Variants in MTURN observed in about 807,000 individuals in gnomAD.
MTURN encodes maturin, neural progenitor differentiation regulator homolog, also known as maturin.
In MTURN, 7 loss-of-function variants were observed where a neutral mutation model predicts 14.9. The observed-to-expected ratio is 0.47, with a 90% CI of 0.27 to 0.88. The LOEUF is 0.88. Ranked by LOEUF, MTURN falls within the 40% of genes least tolerant of loss-of-function variation. MTURN has a pLI of 0.14. For missense variants in MTURN, 151 were observed against 174.1 expected (o/e 0.87, Z 0.75); for synonymous variants, 69 against 72.5 (o/e 0.95, Z 0.25).
At chr7:30,152,276 CCTT>C (rs972173651) in intron 2 of MTURN, among the ~76,000 whole-genome samples, 1 of 151,932 alleles carries the variant, frequency 6.6e-6, no homozygotes, top group African/African-American at 2.4e-5. Flanking sequence ...ATCTTGCCAC[CCTT>C]TTTTCCTTAG....
chr7:30,135,267 T>G lies in MTURN; in HGVS notation c.131T>G (p.Leu44Arg). ...GACCCCGGCGTCTCCTTCTATGTGC[T>G]GTGTCCGGACAACGGCTGCGGCGAC... Reference protein sequence around the residue: ...YADPGVSFYVLCPDNGCGDNF... With the variant: ...YADPGVSFYVRCPDNGCGDNF... The change falls in exon 1 of 3, where the codon CTG becomes CGG. Residue 44 changes from leucine to arginine, a missense_variant. By Grantham distance (102) the Leu-to-Arg change is moderately radical. Transcript: ENST00000324453. The G allele has an allele frequency of 6.5e-7, 1 of 1,528,022 alleles. No homozygotes were observed. The highest frequency in any genetic ancestry group is 8.8e-7 in the Non-Finnish European group (1 of 1,136,954). 94.7% of individuals were successfully genotyped at this position (1,528,022 alleles called of 1,614,324 possible). A position where few individuals can be genotyped will look rare whatever the true frequency, so the allele number is the denominator to read the frequency against.
Position 30,152,304 on chromosome 7 carries a change from AC to A in MTURN, c.286-5133del, listed in dbSNP as rs1402790287. On this transcript the variant is annotated intron_variant, in intron 2 of 2. Transcript: ENST00000324453. ...TTTTTCCTTAGGGTCAAGAAGACTG[AC>A]TGACAGACCAGGACCCCACCAGGGG... 7.2e-5 allele frequency among the ~76,000 whole-genome samples: 11 copies of A among 152,140 alleles called. No homozygotes were observed. The East Asian group carries it at 1.5e-3, about 21-fold the overall frequency.
In MTURN at chr7:30,159,608, A is replaced by C. The variant is rs1240125913; in HGVS notation, c.*2060A>C. ...CTCTGTTTATAAAAATTGAGTGGAG[A>C]TAGATAGACTCGGCCATTCTGTGGG... On this transcript the variant is annotated 3_prime_UTR_variant, in exon 3 of 3. Transcript: ENST00000324453. 1 of 152,626 alleles carries C rather than the reference A, an allele frequency of 6.6e-6. No homozygotes were observed. The highest frequency in any genetic ancestry group is 1.5e-5 in the Non-Finnish European group (1 of 68,030). The allele number at this position is 152,626 out of a possible 1,614,324, so 9.5% of individuals were successfully genotyped here.
chr7:30,145,380 C>T (rs139456421), intron 1 of MTURN, among the ~76,000 whole-genome samples: 70 of 152,112 alleles, frequency 4.6e-4, no homozygotes, highest in Non-Finnish European at 8.8e-4. Context: ...TGTAGTTCCA[C>T]CTACTTGGGT....
chr7:30,142,480 T>A (rs1797066163), intron 1 of MTURN, among the ~76,000 whole-genome samples: 2 of 152,236 alleles, frequency 1.3e-5, no homozygotes. Context: ...AAAGTTCTGC[T>A]GTGCCCATGG....
intron 1 of MTURN, among the ~76,000 whole-genome samples, chr7:30,142,905 G>C (rs1005746807): frequency 6.6e-6 from 1 of 152,194 alleles, no homozygotes; most frequent in Admixed American, 6.5e-5. Context: ...TCCTGCTGTA[G>C]TTTTTTTCCT....
rs1271020619 is a variant in MTURN at position 30,161,014 on chromosome 7, TG to T, written c.*3467del. The T allele has an allele frequency of 6.5e-6, 1 of 152,692 alleles. No individual in the cohort carries two copies. The highest frequency in any genetic ancestry group is 1.5e-5 in the Non-Finnish European group (1 of 68,048). 9.5% of individuals were successfully genotyped at this position (152,692 alleles called of 1,614,324 possible). A position where few individuals can be genotyped will look rare whatever the true frequency, so the allele number is the denominator to read the frequency against. On this transcript the variant is annotated 3_prime_UTR_variant, in exon 3 of 3. Coordinates refer to ENST00000324453, the MANE Select transcript of MTURN (RefSeq NM_152793.3). ...CCTTTATAGTTGCTGTCATCTTTCA[TG>T]TATAAACAGAAACCGTCTCTAGCAC...
chr7:30,137,278 C>G (rs1302668800), intron 1 of MTURN: 1 of 206,638 alleles, frequency 4.8e-6, no homozygotes, highest in Non-Finnish European at 1.0e-5. Context: ...GCTCATGGTT[C>G]TGGATTTCAC....
chr7:30,137,873 A>ATCAT (rs967572430), intron 1 of MTURN, among the ~76,000 whole-genome samples: 3 of 151,946 alleles, frequency 2.0e-5, no homozygotes, highest in Non-Finnish European at 4.4e-5. Context: ...GTATTTCCAC[A>ATCAT]TCATTCATTC....
chr7:30,145,854 C>T, intron 1 of MTURN: 2 of 1,549,034 alleles, frequency 1.3e-6, no homozygotes, highest in South Asian at 1.2e-5. Context: ...TGAAAACCGC[C>T]CTTAGCCTGC....
chr7:30,161,441 A>G lies in MTURN; in HGVS notation c.*3893A>G, dbSNP rs1184860195. 6.6e-6 allele frequency: 1 copy of G among 152,262 alleles called. No individual in the cohort carries two copies. Among genetic ancestry groups the G allele is most frequent in the East Asian group, 1.9e-4 (1 of 5,194 alleles). The allele number at this position is 152,262 out of a possible 1,614,324, so 9.4% of individuals were successfully genotyped here. ...AAGTGCCCCCCAGCCAAGGAGACCA[A>G]CAGGAACCCTGCTCATCTGGTAGGG... On this transcript the variant is annotated 3_prime_UTR_variant, in exon 3 of 3. Transcript: ENST00000324453.
rs111686401 is a variant in MTURN at position 30,136,880 on chromosome 7, A to G, written c.162+1582A>G. Among the ~76,000 whole-genome samples, 181 of 152,224 alleles carry G rather than the reference A, an allele frequency of 1.2e-3. 2 individuals are homozygous for G. Among genetic ancestry groups the G allele is most frequent in the African/African-American group, 4.0e-3 (167 of 41,530 alleles). On this transcript the variant is annotated intron_variant, in intron 1 of 2. Transcript: ENST00000324453. ...CCTAACACACAGCAAGAGCCCCACAAATTTGGGGTTAGAGACCTGGGGTTT... is the reference window on the plus strand; with the variant it reads ...CCTAACACACAGCAAGAGCCCCACAGATTTGGGGTTAGAGACCTGGGGTTT...
intron 1 of MTURN, among the ~76,000 whole-genome samples, chr7:30,142,549 A>G (rs1797067060): frequency 6.6e-6 from 1 of 152,214 alleles, no homozygotes; most frequent in Non-Finnish European, 1.5e-5. Flanking sequence ...TTTGTTGGAA[A>G]TACATATTCT....
chr7:30,155,314 C>T (rs895806194), intron 2 of MTURN, among the ~76,000 whole-genome samples: 4 of 151,926 alleles, frequency 2.6e-5, no homozygotes, highest in African/African-American at 4.8e-5. Context: ...CTGGTGGTGG[C>T]GATAGTATTT....
rs1019062939 is a variant in MTURN, at chr7:30,158,521, C to CA, written c.*980dup. 2.0e-5 allele frequency: 3 copies of CA among 148,864 alleles called. No individual in the cohort carries two copies. Among genetic ancestry groups the CA allele is most frequent in the African/African-American group, 7.5e-5 (3 of 40,240 alleles). 9.2% of individuals were successfully genotyped at this position (148,864 alleles called of 1,614,324 possible). ...AGTCTTTTATTTAAAAAAAAAAAGT[C>CA]AAAAAAAGGATTCCATTGTGTAATT... On this transcript the variant is annotated 3_prime_UTR_variant, in exon 3 of 3. Coordinates refer to ENST00000324453, the MANE Select transcript of MTURN (RefSeq NM_152793.3).
chr7:30,159,965 C>T lies in MTURN; in HGVS notation c.*2417C>T, dbSNP rs1215076222. 1 of 152,374 alleles carries T rather than the reference C, an allele frequency of 6.6e-6. No individual in the cohort carries two copies. The highest frequency in any genetic ancestry group is 6.5e-5 in the Admixed American group (1 of 15,286). The allele number at this position is 152,374 out of a possible 1,614,324, so 9.4% of individuals were successfully genotyped here. The stretch of plus-strand genomic sequence containing the variant: ...CCCTTCACAGACTTACACATTTACT[C>T]ACCAGGAGGTGGCAGCGGTGTGGGA... On this transcript the variant is annotated 3_prime_UTR_variant, in exon 3 of 3. Coordinates refer to ENST00000324453, the MANE Select transcript of MTURN (RefSeq NM_152793.3).
intron 2 of MTURN, among the ~76,000 whole-genome samples, chr7:30,155,865 G>A (rs1797279224): frequency 6.6e-6 from 1 of 152,336 alleles, no homozygotes; most frequent in South Asian, 2.1e-4. Flanking sequence ...CGTGGAGGGA[G>A]TGAGAGAGGA....
At chr7:30,143,631 C>T (rs965764134) in intron 1 of MTURN, among the ~76,000 whole-genome samples, 1 of 152,120 alleles carries the variant, frequency 6.6e-6, no homozygotes, top group African/African-American at 2.4e-5. Context: ...CAAAACCTAA[C>T]AGAACTGGTA....
At chr7:30,148,954 G>C (rs977310989) in intron 2 of MTURN, among the ~76,000 whole-genome samples, 1 of 152,142 alleles carries the variant, frequency 6.6e-6, no homozygotes, top group African/African-American at 2.4e-5. Context: ...CTTTGCAGCA[G>C]GTTTCCTCAC....
Sources: gnomAD v4.1 joint callset for allele counts (sites outside exome capture counted in the v4.1 genomes callset) on GRCh38, gnomAD v4.1.1 for gene constraint, MANE v1.5 for transcripts, NCBI Gene and HGNC (gene_info 2026-07-23, HGNC 2026-07-21) for gene names.